Variants in CYFIP1 observed in about 807,000 individuals in gnomAD.
The protein encoded by CYFIP1 is cytoplasmic FMR1-interacting protein 1.
In CYFIP1, 58 loss-of-function variants were observed where a neutral mutation model predicts 163.5. The observed-to-expected ratio is 0.35, with a 90% CI of 0.29 to 0.44. CYFIP1 has a LOEUF of 0.44. Ranked by LOEUF, CYFIP1 falls within the 20% of genes least tolerant of loss-of-function variation. The pLI is 1.00. For missense variants in CYFIP1, 1,338 were observed against 1,653.8 expected, an observed-to-expected ratio of 0.81 and a Z score of 3.31; for synonymous variants, 663 against 660.7, an observed-to-expected ratio of 1.00 and a Z score of -0.05.
chr15:22,943,997 G>A (rs1290694329), intron 5 of CYFIP1, among the ~76,000 whole-genome samples: 1 of 152,036 alleles, frequency 6.6e-6, no homozygotes, highest in Non-Finnish European at 1.5e-5. Flanking sequence ...TCAGCATTTT[G>A]GGAGGCCAAG....
At chr15:22,961,490 C>A (rs1296434775) in intron 1 of CYFIP1, among the ~76,000 whole-genome samples, 1 of 152,140 alleles carries the variant, frequency 6.6e-6, no homozygotes. Context: ...GTGATCCTCC[C>A]ACCTCAGCCC....
rs1295903714 is a variant in CYFIP1 at position 22,944,933 on chromosome 15, T to A, written c.214A>T (p.Met72Leu). ...QATVHSSMNE[M>L]LEEGQEYAVM... ...GCATATTCTTGGCCCTCCTCCAGCA[T>A]CTCGTTCTGCAATGGAACACAGGGC... The change falls in exon 4 of 31, where the codon ATG becomes TTG. Residue 72 changes from methionine to leucine, a missense_variant. Around this residue, in one of 4 missense-constraint regions of CYFIP1, gnomAD observed 186 missense variants for 288.3 expected, o/e 0.65. Coordinates refer to ENST00000617928, the MANE Select transcript of CYFIP1 (RefSeq NM_014608.6). 1 of 1,614,010 alleles carries A rather than the reference T, an allele frequency of 6.2e-7. No homozygotes were observed. Among genetic ancestry groups the A allele is most frequent in the Middle Eastern group, 1.6e-4 (1 of 6,062 alleles).
Position 22,979,516 on chromosome 15 carries a change from G to C in CYFIP1, c.-7+771C>G, listed in dbSNP as rs560967534. On this transcript the variant is annotated intron_variant, in intron 1 of 30. Transcript: ENST00000617928. ...CACGCGGCGCTGGGCTCAATCAGCA[G>C]CCGCTCCCTGACTGGACTTAATAGC... 5.1e-4 allele frequency among the ~76,000 whole-genome samples: 77 copies of C among 152,294 alleles called. No homozygotes were observed. In the South Asian group the frequency reaches 0.015, roughly 30 times the overall value.
chr15:22,928,700 C>G (rs1489190446), intron 11 of CYFIP1, among the ~76,000 whole-genome samples: 1 of 152,174 alleles, frequency 6.6e-6, no homozygotes, highest in African/African-American at 2.4e-5. Context: ...GAGGAAGGGG[C>G]ACCGTGGAGA....
At chr15:22,875,360 T>C in intron 26 of CYFIP1, 89 bp from the exon 27 acceptor site, 2 of 1,059,000 alleles carry the variant, frequency 1.9e-6, no homozygotes, top group South Asian at 1.3e-5. Context: ...CTTTGCCTTT[T>C]AGCATAAAAT....
At chr15:22,886,687 T>A (rs1257982869) in intron 23 of CYFIP1, among the ~76,000 whole-genome samples, 1 of 152,090 alleles carries the variant, frequency 6.6e-6, no homozygotes, top group Non-Finnish European at 1.5e-5. Context: ...TTGAGGTGAG[T>A]TTTATGGCCC....
intron 21 of CYFIP1, among the ~76,000 whole-genome samples, chr15:22,907,877 T>C (rs2060637897): frequency 6.6e-6 from 1 of 152,204 alleles, no homozygotes; most frequent in Non-Finnish European, 1.5e-5. Flanking sequence ...GTGTCTTCTG[T>C]CCACGTTAAG....
chr15:22,904,265 C>T (rs1379827093), intron 21 of CYFIP1: 1 of 323,430 alleles, frequency 3.1e-6, no homozygotes, highest in East Asian at 7.4e-5. Flanking sequence ...CTGCATCTCC[C>T]TGGGCGTTGG....
At chr15:22,908,853 C>T (rs1468181343) in intron 21 of CYFIP1, among the ~76,000 whole-genome samples, 3 of 152,122 alleles carry the variant, frequency 2.0e-5, no homozygotes, top group Non-Finnish European at 4.4e-5. Flanking sequence ...TATCTCCTAG[C>T]TCGTTCATAC....
At chr15:22,931,851 C>T (rs537180114) in intron 11 of CYFIP1, among the ~76,000 whole-genome samples, 1 of 152,094 alleles carries the variant, frequency 6.6e-6, no homozygotes, top group East Asian at 1.9e-4. Flanking sequence ...ATAATACCAT[C>T]TTTTCACTGT....
At chr15:22,900,077 C>G (rs1186579421) in intron 22 of CYFIP1, among the ~76,000 whole-genome samples, 1 of 152,150 alleles carries the variant, frequency 6.6e-6, no homozygotes, top group Non-Finnish European at 1.5e-5. Flanking sequence ...CCTAGTACCT[C>G]AGAATGTGAA....
intron 11 of CYFIP1, among the ~76,000 whole-genome samples, chr15:22,930,207 CACACAAAAAAAA>C (rs2061492466): frequency 1.3e-5 from 2 of 150,248 alleles, no homozygotes; most frequent in Non-Finnish European, 3.0e-5. Context: ...ACAAAAAACA[CACACAAAAAAAA>C]ACACAAAAAA....
chr15:22,920,640 T>C (rs1404069012), intron 13 of CYFIP1, among the ~76,000 whole-genome samples: 1 of 152,218 alleles, frequency 6.6e-6, no homozygotes, highest in Non-Finnish European at 1.5e-5. Context: ...AATAGACTGC[T>C]TTCATGTAAG....
intron 21 of CYFIP1, among the ~76,000 whole-genome samples, chr15:22,906,620 C>G (rs1278996165): frequency 6.6e-6 from 1 of 152,074 alleles, no homozygotes; most frequent in East Asian, 1.9e-4. Context: ...CGTCCGCCAT[C>G]AAGCCTGGCT....
In CYFIP1 at chr15:22,909,256, T is replaced by C. The variant is rs147086227; in HGVS notation, c.2326A>G (p.Met776Val). 1 of 1,614,218 alleles carries C rather than the reference T, an allele frequency of 6.2e-7. No homozygotes were observed. The highest frequency in any genetic ancestry group is 8.5e-7 in the Non-Finnish European group (1 of 1,180,026). The change falls in exon 21 of 31, where the codon ATG (methionine) becomes GTG (valine). Residue 776 changes from methionine to valine, a missense_variant. Transcript: ENST00000617928. The stretch of plus-strand genomic sequence containing the variant: ...ATCGCCAGTTCTAGGGACTTATACA[T>C]GGCTGCTGAGACGCGCTGGGTGATC... ...RLITQRVSAA[M>V]YKSLELAIGR...
intron 22 of CYFIP1, among the ~76,000 whole-genome samples, chr15:22,898,665 AG>A (rs1239263304): frequency 6.6e-6 from 1 of 152,082 alleles, no homozygotes; most frequent in African/African-American, 2.4e-5. Context: ...CCTTCCAAGT[AG>A]CTGAGACTAC....
intron 22 of CYFIP1, among the ~76,000 whole-genome samples, chr15:22,903,139 T>C (rs558459246): frequency 1.3e-5 from 2 of 152,256 alleles, no homozygotes; most frequent in Admixed American, 6.5e-5. Context: ...TTGGTGTCTA[T>C]GGGAAGGCAT....
intron 1 of CYFIP1, among the ~76,000 whole-genome samples, chr15:22,953,390 C>T (rs562228951): frequency 6.6e-6 from 1 of 152,316 alleles, no homozygotes; most frequent in East Asian, 1.9e-4. Flanking sequence ...GGACCCTGCA[C>T]CCCACTGCTA....
At chr15:22,949,567 G>A (rs1255349023) in intron 1 of CYFIP1, among the ~76,000 whole-genome samples, 1 of 152,182 alleles carries the variant, frequency 6.6e-6, no homozygotes, top group Admixed American at 6.5e-5. Context: ...AGTGCTTGGC[G>A]GTTAAAAGCA....
Sources: allele counts gnomAD v4.1 joint callset (sites outside exome capture counted in the v4.1 genomes callset), GRCh38; gene constraint gnomAD v4.1.1; regional missense constraint gnomAD v4.1.1; transcripts MANE v1.5; gene names NCBI Gene and HGNC (gene_info 2026-07-23, HGNC 2026-07-21).